Variants in SORCS2 observed in about 807,000 individuals in gnomAD.
The protein encoded by SORCS2 is VPS10 domain-containing receptor SorCS2.
SORCS2 carries 100 observed loss-of-function variants against 141.6 expected under a neutral mutation model. That is an observed-to-expected ratio of 0.71 (90% CI 0.60 to 0.83). The LOEUF (loss-of-function observed/expected upper bound fraction) is 0.83, where lower values mean the gene tolerates loss of function less well. SORCS2 is among the 40% of genes least tolerant of loss of function. The probability of loss-of-function intolerance (pLI) is 0.00; values close to 1 mark genes in which losing one functional copy is unlikely to be tolerated. For synonymous variants in SORCS2, 789 were observed against 676.9 expected (o/e 1.17, Z -2.57); for missense variants, 1,646 against 1,560.2 (o/e 1.05, Z -0.93).
intron 26 of SORCS2, among the ~76,000 whole-genome samples, chr4:7,738,701 G>A (rs144595248): frequency 3.9e-5 from 6 of 152,302 alleles, no homozygotes; most frequent in Admixed American, 1.3e-4. Flanking sequence ...TCCTCAGAAC[G>A]TGAGCGGCGG....
intron 3 of SORCS2, among the ~76,000 whole-genome samples, chr4:7,546,546 C>A (rs149415322): frequency 0.014 from 2,112 of 152,072 alleles, 17 homozygotes; most frequent in Non-Finnish European, 0.021. Context: ...GAGGAGGTGA[C>A]AGGTTCATTC....
chr4:7,525,996 GCAGTCACCTGTCCCCTCCT>G (rs375664040), intron 2 of SORCS2, among the ~76,000 whole-genome samples: 2,440 of 111,856 alleles, frequency 0.022, 29 homozygotes, highest in African/African-American at 0.051. Context: ...CCTGTCCCCT[GCAGTCACCTGTCCCCTCCT>G]CAGTCACCTG....
chr4:7,478,862 C>T (rs1050458465), intron 2 of SORCS2, among the ~76,000 whole-genome samples: 9 of 152,158 alleles, frequency 5.9e-5, no homozygotes, highest in African/African-American at 1.4e-4. Context: ...AGGCCTGGGT[C>T]GGGGACCCTT....
intron 2 of SORCS2, among the ~76,000 whole-genome samples, chr4:7,483,308 G>A (rs1730767678): frequency 1.4e-5 from 2 of 142,784 alleles, no homozygotes; most frequent in Non-Finnish European, 3.0e-5. Flanking sequence ...GGGTGACAGA[G>A]CGAGACTCCA....
chr4:7,648,686 G>A lies in SORCS2; in HGVS notation c.814-5448G>A, dbSNP rs1379105647. On this transcript the variant is annotated intron_variant, in intron 4 of 26. Transcript: ENST00000507866. The surrounding 1 kb of genome is among the most constrained non-coding windows in gnomAD (Gnocchi z 4.2). ...CTGCCAAGCGGCTTGGCCTCTGCAT[G>A]GTTGGAGAGCTCAGAATGTGAGCTT... Among the ~76,000 whole-genome samples, 1 of 152,166 alleles carries A rather than the reference G, an allele frequency of 6.6e-6. No homozygotes were observed. Among genetic ancestry groups the A allele is most frequent in the Non-Finnish European group, 1.5e-5 (1 of 68,020 alleles).
chr4:7,349,527 TG>T (rs1356562103), intron 1 of SORCS2, among the ~76,000 whole-genome samples: 18 of 151,684 alleles, frequency 1.2e-4, no homozygotes, highest in Admixed American at 1.2e-3. Context: ...CTGGGTGAGG[TG>T]GGGGCTGGGT....
intron 2 of SORCS2, among the ~76,000 whole-genome samples, chr4:7,518,132 T>G (rs1323363387): frequency 1.3e-5 from 2 of 152,198 alleles, no homozygotes; most frequent in Admixed American, 6.5e-5. Flanking sequence ...GCTTCTTTTC[T>G]TCTTCTTAGC....
At chr4:7,525,697 C>A (rs181710666) in intron 2 of SORCS2, among the ~76,000 whole-genome samples, 1 of 151,590 alleles carries the variant, frequency 6.6e-6, no homozygotes, top group African/African-American at 2.4e-5. Flanking sequence ...CCTGTCCCCA[C>A]CTCAGTCACT....
At chr4:7,563,943 A>G (rs1192580179) in intron 3 of SORCS2, among the ~76,000 whole-genome samples, 1 of 152,236 alleles carries the variant, frequency 6.6e-6, no homozygotes, top group Non-Finnish European at 1.5e-5. Context: ...ACTTGTTAGA[A>G]ATTACTTTAT....
chr4:7,608,346 G>A (rs890525109), intron 3 of SORCS2, among the ~76,000 whole-genome samples: 4 of 152,154 alleles, frequency 2.6e-5, no homozygotes, highest in African/African-American at 4.8e-5. Flanking sequence ...TTTCATCATC[G>A]TCAGGGCCCT....
intron 1 of SORCS2, among the ~76,000 whole-genome samples, chr4:7,384,460 G>A (rs370321776): frequency 0.014 from 2,184 of 152,306 alleles, 60 homozygotes; most frequent in African/African-American, 0.05. Context: ...GTCAGACCTC[G>A]GGGGACTGGG....
chr4:7,235,657 A>T (rs1278717224), intron 1 of SORCS2, among the ~76,000 whole-genome samples: 1 of 152,204 alleles, frequency 6.6e-6, no homozygotes. Flanking sequence ...CTTGGGGCCC[A>T]TTCTGGCTGT....
rs1436720400 is a variant in SORCS2, at chr4:7,741,334, G to A, written c.*1070G>A. The A allele has an allele frequency of 7.5e-6, 3 of 398,398 alleles. No homozygotes were observed. The highest frequency in any genetic ancestry group is 7.2e-5 in the East Asian group (2 of 27,950). 24.7% of individuals were successfully genotyped at this position (398,398 alleles called of 1,614,324 possible). On this transcript the variant is annotated 3_prime_UTR_variant, in exon 27 of 27. Transcript: ENST00000507866. ...GAGAGTAACTGAAGGTCACAGCACG[G>A]TCACAGCAGAGGTGGCCGAACCCAG...
chr4:7,282,747 A>T (rs1194322587), intron 1 of SORCS2, among the ~76,000 whole-genome samples: 6 of 152,170 alleles, frequency 3.9e-5, no homozygotes, highest in Non-Finnish European at 8.8e-5. Flanking sequence ...GTGGTGTGAT[A>T]GTCTCACCGC....
chr4:7,256,723 G>A (rs1456818571), intron 1 of SORCS2, among the ~76,000 whole-genome samples: 2 of 149,926 alleles, frequency 1.3e-5, no homozygotes, highest in Non-Finnish European at 3.0e-5. Context: ...AATCAGCTGC[G>A]TCTCGCATGA....
chr4:7,397,686 G>A (rs1577498714), intron 2 of SORCS2, among the ~76,000 whole-genome samples: 1 of 152,320 alleles, frequency 6.6e-6, no homozygotes, highest in East Asian at 1.9e-4. Flanking sequence ...GCAGAAAAGT[G>A]TAAGCTCCGT....
At chr4:7,332,810 G>T (rs3936615) in intron 1 of SORCS2, among the ~76,000 whole-genome samples, 1 of 152,142 alleles carries the variant, frequency 6.6e-6, no homozygotes, top group African/African-American at 2.4e-5. Context: ...CCTGGCCACT[G>T]GGGATGGGGC....
At chr4:7,620,983 A>G (rs1186663735) in intron 3 of SORCS2, among the ~76,000 whole-genome samples, 1 of 152,054 alleles carries the variant, frequency 6.6e-6, no homozygotes, top group African/African-American at 2.4e-5. Flanking sequence ...CCCACCACCA[A>G]GAGGCCCAGG....
chr4:7,616,156 G>C (rs1225941686), intron 3 of SORCS2, among the ~76,000 whole-genome samples: 1 of 152,110 alleles, frequency 6.6e-6, no homozygotes, highest in African/African-American at 2.4e-5. Flanking sequence ...AGTATAGCTG[G>C]AATCATCTCC....
Sources: gnomAD v4.1 joint callset for allele counts (sites outside exome capture counted in the v4.1 genomes callset) on GRCh38, gnomAD v4.1.1 for gene constraint, Gnocchi (gnomAD v3.1) non-coding constraint, MANE v1.5 for transcripts, NCBI Gene and HGNC (gene_info 2026-07-23, HGNC 2026-07-21) for gene names.